Variants in RABGAP1 observed in about 807,000 individuals in gnomAD.
RABGAP1 encodes rab GTPase-activating protein 1.
A neutral mutation model predicts 137.6 loss-of-function variants in RABGAP1; 23 were observed. That is an observed-to-expected ratio of 0.17 (90% CI 0.12 to 0.24). The LOEUF is 0.24. Ranked by LOEUF, RABGAP1 falls within the 10% of genes least tolerant of loss-of-function variation. The pLI is 1.00. For synonymous variants in RABGAP1, 451 were observed against 450.7 expected (o/e 1.00, Z -0.01); for missense variants, 906 against 1,275.8 (o/e 0.71, Z 4.42).
intron 13 of RABGAP1, among the ~76,000 whole-genome samples, chr9:123,051,877 C>T (rs2033494176): frequency 6.6e-6 from 1 of 151,352 alleles, no homozygotes; most frequent in Non-Finnish European, 1.5e-5. Context: ...CTGCAAGCTC[C>T]GCCTCCTGGG....
intron 10 of RABGAP1, among the ~76,000 whole-genome samples, chr9:123,002,781 A>AAAATG (rs1332838452): frequency 4.6e-5 from 7 of 152,188 alleles, no homozygotes; most frequent in Non-Finnish European, 8.8e-5. Context: ...GTTAGGCTAA[A>AAAATG]AAATGACTTG....
intron 13 of RABGAP1, chr9:123,034,635 A>G (rs1381613555): frequency 6.2e-7 from 1 of 1,613,942 alleles, no homozygotes; most frequent in Non-Finnish European, 8.5e-7. Flanking sequence ...GCTATTTGGA[A>G]ACTGTCAATT....
chr9:122,969,284 G>A (rs186862420), intron 2 of RABGAP1, among the ~76,000 whole-genome samples: 10 of 152,242 alleles, frequency 6.6e-5, no homozygotes, highest in African/African-American at 2.4e-4. Flanking sequence ...ATGCTTCCTG[G>A]GTTTATGTAA....
chr9:122,944,488 C>G (rs1450264561), intron 1 of RABGAP1, among the ~76,000 whole-genome samples: 4 of 152,018 alleles, frequency 2.6e-5, no homozygotes, highest in Non-Finnish European at 5.9e-5. Context: ...CTCTGGCCTC[C>G]CAACGTGACA....
intron 11 of RABGAP1, among the ~76,000 whole-genome samples, chr9:123,014,714 T>C (rs1380137588): frequency 6.7e-6 from 1 of 149,146 alleles, no homozygotes; most frequent in Non-Finnish European, 1.5e-5. Flanking sequence ...CATGCTGGAG[T>C]TCTGTGGTGC....
rs1265686106 is a variant in RABGAP1, at chr9:123,103,998, T to C, written c.*785T>C. On this transcript the variant is annotated 3_prime_UTR_variant, in exon 26 of 26. Coordinates refer to ENST00000373647, the MANE Select transcript of RABGAP1 (RefSeq NM_012197.4). ...GTGTGTGTGTGTGTGTGTGTGTGTA[T>C]GTATATATATATATAAATATCTTTC... 2.2e-5 allele frequency: 1 copy of C among 46,482 alleles called. No homozygotes were observed. Among genetic ancestry groups the C allele is most frequent in the African/African-American group, 4.7e-5 (1 of 21,380 alleles). 2.9% of individuals were successfully genotyped at this position (46,482 alleles called of 1,614,324 possible).
chr9:122,972,632 G>A (rs533049389), intron 2 of RABGAP1, among the ~76,000 whole-genome samples: 42 of 152,148 alleles, frequency 2.8e-4, no homozygotes, highest in Non-Finnish European at 5.7e-4. Context: ...TTGATTGGAG[G>A]TGCTGTAGAG....
rs556527913 is a variant in RABGAP1 at position 123,029,457 on chromosome 9, C to T, written c.1794+8998C>T. The T allele has an allele frequency of 6.4e-5, 98 of 1,519,476 alleles. No homozygotes were observed. In the African/African-American group the frequency reaches 7.3e-4, roughly 11 times the overall value. 94.1% of individuals were successfully genotyped at this position (1,519,476 alleles called of 1,614,324 possible). A position where few individuals can be genotyped will look rare whatever the true frequency, so the allele number is the denominator to read the frequency against. On this transcript the variant is annotated intron_variant, in intron 13 of 25. Coordinates refer to ENST00000373647, the MANE Select transcript of RABGAP1 (RefSeq NM_012197.4). ...ATTACTTGAGCTCTGTGCTTTGAAA[C>T]CAGTTTGATAAGTCCTTTACTAAGG...
chr9:123,035,726 C>A, intron 13 of RABGAP1: 1 of 708,156 alleles, frequency 1.4e-6, no homozygotes, highest in Non-Finnish European at 2.3e-6. Context: ...AAATCTGGGA[C>A]AGAATACTTT....
chr9:123,046,173 C>G (rs1361909227), intron 13 of RABGAP1, among the ~76,000 whole-genome samples: 1 of 152,130 alleles, frequency 6.6e-6, no homozygotes, highest in East Asian at 1.9e-4. Context: ...CTATACAAAT[C>G]TCGGACATTA....
At chr9:123,057,553 C>G (rs2033780138) in intron 13 of RABGAP1, among the ~76,000 whole-genome samples, 3 of 151,752 alleles carry the variant, frequency 2.0e-5, no homozygotes, top group Non-Finnish European at 2.9e-5. Context: ...GGCAGAGACG[C>G]TCCTCACTTT....
intron 13 of RABGAP1, among the ~76,000 whole-genome samples, chr9:123,032,470 A>G (rs1048780517): frequency 6.6e-6 from 1 of 152,258 alleles, no homozygotes; most frequent in East Asian, 1.9e-4. Flanking sequence ...TTTTGGGGCT[A>G]TGGCCGCGTC....
At chr9:122,988,646 A>G (rs550536933) in intron 4 of RABGAP1, among the ~76,000 whole-genome samples, 1 of 151,772 alleles carries the variant, frequency 6.6e-6, no homozygotes, top group African/African-American at 2.4e-5. Flanking sequence ...TTTAAAGGAG[A>G]TAATTAGAAG....
At chr9:123,009,768 G>A (rs2030632431) in intron 10 of RABGAP1, among the ~76,000 whole-genome samples, 1 of 151,706 alleles carries the variant, frequency 6.6e-6, no homozygotes. Context: ...CTGTTGATGT[G>A]TTCTCTGCCA....
At chr9:122,971,112 A>C (rs1835446744) in intron 2 of RABGAP1, among the ~76,000 whole-genome samples, 1 of 152,224 alleles carries the variant, frequency 6.6e-6, no homozygotes, top group Non-Finnish European at 1.5e-5. Context: ...CTCCTCAGAA[A>C]GTGTACTCAG....
At chr9:122,985,146 T>C (rs1836300584) in intron 3 of RABGAP1, among the ~76,000 whole-genome samples, 1 of 151,948 alleles carries the variant, frequency 6.6e-6, no homozygotes, top group South Asian at 2.1e-4. Context: ...GACTAGAACA[T>C]GGGACAGAAA....
chr9:123,020,543 G>A (rs1588282526), intron 13 of RABGAP1, 84 bp downstream of exon 13: 1 of 1,259,950 alleles, frequency 7.9e-7, no homozygotes. Flanking sequence ...TGACTTATAA[G>A]AAGTGTTTAT....
intron 2 of RABGAP1, among the ~76,000 whole-genome samples, chr9:122,963,975 A>G (rs547458262): frequency 3.0e-4 from 45 of 152,334 alleles, no homozygotes; most frequent in African/African-American, 1.1e-3. Context: ...GTGCCCATAA[A>G]TAGGTAATTT....
rs2034322632 is a variant in RABGAP1 at position 123,070,592 on chromosome 9, A to G, written c.1983+168A>G. Among the ~76,000 whole-genome samples the G allele has an allele frequency of 6.6e-6, 1 of 152,224 alleles. No individual in the cohort carries two copies. Among genetic ancestry groups the G allele is most frequent in the Non-Finnish European group, 1.5e-5 (1 of 68,044 alleles). The stretch of plus-strand genomic sequence containing the variant: ...TTAAATTAACTTAATGTCATTGTGG[A>G]GGAGATATATGATGAGAATAAACGG... On this transcript the variant is annotated intron_variant, in intron 15 of 25. Coordinates refer to ENST00000373647, the MANE Select transcript of RABGAP1 (RefSeq NM_012197.4). The surrounding 1 kb of genome is among the most constrained non-coding windows in gnomAD (Gnocchi z 4.4).
Sources: gnomAD v4.1 joint callset for allele counts (sites outside exome capture counted in the v4.1 genomes callset) on GRCh38, gnomAD v4.1.1 for gene constraint, Gnocchi (gnomAD v3.1) non-coding constraint, MANE v1.5 for transcripts, NCBI Gene and HGNC (gene_info 2026-07-23, HGNC 2026-07-21) for gene names.